The following ZNF208 variants were observed in gnomAD, a reference collection of about 807,000 sequenced individuals.
ZNF208 encodes the protein zinc finger protein 208.
ZNF208 carries 10 observed loss-of-function variants against 12.1 expected under a neutral mutation model. The ratio of observed to expected loss-of-function variants is 0.83; its 90% CI spans 0.51 to 1.40. The LOEUF (loss-of-function observed/expected upper bound fraction) is 1.40. Ranked by LOEUF, ZNF208 falls within the 40% of genes most tolerant of loss-of-function variation. The pLI is 0.00. For synonymous variants in ZNF208, 497 were observed against 488.4 expected, an observed-to-expected ratio of 1.02 and a Z score of -0.23; for missense variants, 1,652 against 1,485.0, an observed-to-expected ratio of 1.11 and a Z score of -1.85.
At chr19:22,007,414 G>C (rs1971063520) in intron 1 of ZNF208, among the ~76,000 whole-genome samples, 1 of 146,900 alleles carries the variant, frequency 6.8e-6, no homozygotes, top group South Asian at 2.1e-4. Flanking sequence ...GGGAGGCTAA[G>C]GCAGGAGAAG....
At chr19:21,979,875 G>T (rs975482062) in intron 3 of ZNF208, among the ~76,000 whole-genome samples, 4 of 152,116 alleles carry the variant, frequency 2.6e-5, no homozygotes, top group South Asian at 2.1e-4. Flanking sequence ...TAAAGTTATG[G>T]AGGAATATTT....
intron 1 of ZNF208, among the ~76,000 whole-genome samples, chr19:21,992,762 T>C (rs1970763758): frequency 6.6e-6 from 1 of 152,056 alleles, no homozygotes; most frequent in East Asian, 1.9e-4. Context: ...ACAGAAAAAA[T>C]ATATATTTTT....
At position 21,967,312 on chromosome 19, in the gene ZNF208, C is replaced by T. The variant is rs1970190068; in HGVS notation, c.*3879G>A. 6.6e-6 allele frequency: 1 copy of T among 152,036 alleles called. No homozygotes were observed. The highest frequency in any genetic ancestry group is 1.9e-4 in the East Asian group (1 of 5,190). The allele number at this position is 152,036 out of a possible 1,614,324, so 9.4% of individuals were successfully genotyped here. On this transcript the variant is annotated 3_prime_UTR_variant, in exon 4 of 4. Transcript: ENST00000397126. ...CTTACTAAATAGGGAGTTAATTCCC[C>T]TTTTGTTTATTTCTGTTGGCTTTGT...
At chr19:21,995,775 C>T (rs1349128459) in intron 1 of ZNF208, among the ~76,000 whole-genome samples, 4 of 152,192 alleles carry the variant, frequency 2.6e-5, no homozygotes, top group Non-Finnish European at 4.4e-5. Flanking sequence ...TGCTTGTTTA[C>T]ACTTACAGAT....
At chr19:21,941,038 C>T (rs12980897) in intron 4 of ZNF208, 33,747 of 245,226 alleles carry the variant, frequency 0.14, 2,788 homozygotes, top group Non-Finnish European at 0.18. Context: ...CTGGAACTGG[C>T]GCCCTCCGGA....
intron 4 of ZNF208, among the ~76,000 whole-genome samples, chr19:21,944,867 G>T (rs1336415204): frequency 3.3e-5 from 5 of 152,194 alleles, no homozygotes; most frequent in Non-Finnish European, 7.3e-5. Context: ...TCTTTGGGAT[G>T]CAGCAAACAT....
chr19:21,948,225 A>G (rs1479931328), intron 4 of ZNF208, among the ~76,000 whole-genome samples: 1 of 152,228 alleles, frequency 6.6e-6, no homozygotes, highest in Admixed American at 6.5e-5. Context: ...CTCTAAAGAA[A>G]AAATGGCTTA....
At chr19:21,978,682 A>G (rs1281863618) in intron 3 of ZNF208, among the ~76,000 whole-genome samples, 1 of 152,180 alleles carries the variant, frequency 6.6e-6, no homozygotes, top group African/African-American at 2.4e-5. Flanking sequence ...AAGGATCACA[A>G]CTCATTGCCA....
At position 21,973,615 on chromosome 19, in the gene ZNF208, T is replaced by A; in HGVS notation, c.1419A>T (p.Val473=). 1 of 1,613,634 alleles carries A rather than the reference T, an allele frequency of 6.2e-7. No homozygotes were observed. The highest frequency in any genetic ancestry group is 1.1e-5 in the South Asian group (1 of 91,060). ...SMFSILTKHK[V]IHNGEKPYKC... The stretch of plus-strand genomic sequence containing the variant: ...TGTAGGGTTTCTCTCCATTATGAAT[T>A]ACCTTATGTTTAGTAAGGATTGAGA... The change falls in exon 4 of 4, where the codon GTA becomes GTT. Residue 473 remains valine (V), a synonymous_variant. Transcript: ENST00000397126.
At position 21,974,232 on chromosome 19, in the gene ZNF208, G is replaced by T. The variant is rs765113757; in HGVS notation, c.802C>A (p.Gln268Lys). ...TTATGTTTAGTAAGGATTGCAGATT[G>T]GTTAAAAGCCTTGCCACATTCTTCA... is the stretch of plus-strand genomic sequence containing the variant. ...KCEECGKAFN[Q>K]SAILTKHKII... is the part of the protein sequence containing the mutation. Residue 268 changes from glutamine to lysine, a missense_variant, in exon 4 of 4, where the codon CAA (glutamine) becomes AAA (lysine). Around this residue, in one of 3 missense-constraint regions of ZNF208, gnomAD observed 410 missense variants for 378.2 expected, o/e 1.08. Transcript: ENST00000397126. The T allele has an allele frequency of 1.9e-6, 3 of 1,604,482 alleles. No individual in the cohort carries two copies. The highest frequency in any genetic ancestry group is 1.7e-4 in the Middle Eastern group (1 of 6,004).
At chr19:21,975,802 CTG>C (rs921713742) in intron 3 of ZNF208, among the ~76,000 whole-genome samples, 4 of 62,334 alleles carry the variant, frequency 6.4e-5, no homozygotes, top group Admixed American at 2.4e-4. Flanking sequence ...CAGAAGAAAA[CTG>C]TGTGATATAG....
Position 21,970,844 on chromosome 19 carries a change from T to C in ZNF208, c.*347A>G, listed in dbSNP as rs953676153. 37 of 1,498,572 alleles carry C rather than the reference T, an allele frequency of 2.5e-5. No individual in the cohort carries two copies. In the Middle Eastern group the frequency reaches 1.2e-3, roughly 49 times the overall value. 92.8% of individuals were successfully genotyped at this position (1,498,572 alleles called of 1,614,324 possible). Reference sequence around the variant, plus strand: ...AGAACCAGCTGAAGGCTTTGCCACTTTCTTCACATTTGTAGGGTTTCTCTC... The same window carrying C: ...AGAACCAGCTGAAGGCTTTGCCACTCTCTTCACATTTGTAGGGTTTCTCTC... On this transcript the variant is annotated 3_prime_UTR_variant, in exon 4 of 4. Transcript: ENST00000397126.
At position 21,974,194 on chromosome 19, in the gene ZNF208, A is replaced by C; in HGVS notation, c.840T>G (p.Thr280=). 1.9e-6 allele frequency: 3 copies of C among 1,603,084 alleles called. No homozygotes were observed. The highest frequency in any genetic ancestry group is 2.6e-6 in the Non-Finnish European group (3 of 1,171,186). The change falls in exon 4 of 4, where the codon ACT becomes ACG. Residue 280 remains threonine, a synonymous_variant. Coordinates refer to ENST00000397126, the MANE Select transcript of ZNF208 (RefSeq NM_007153.3). ...CTTCACATTTGTTGGGTTTCTCTCC[A>C]GTATGAATTATCTTATGTTTAGTAA... ...AILTKHKIIH[T]GEKPNKCEEC... is the part of the protein sequence containing the mutation.
At chr19:21,942,286 A>T (rs565889055) in intron 4 of ZNF208, among the ~76,000 whole-genome samples, 1 of 152,270 alleles carries the variant, frequency 6.6e-6, no homozygotes, top group East Asian at 1.9e-4. Context: ...TAATAGTAGT[A>T]TATATATAAG....
chr19:21,958,183 A>T (rs1970007397), intron 4 of ZNF208, among the ~76,000 whole-genome samples: 1 of 151,864 alleles, frequency 6.6e-6, no homozygotes, highest in Non-Finnish European at 1.5e-5. Flanking sequence ...CTAACAAAAA[A>T]AAAACTAAAA....
intron 4 of ZNF208, among the ~76,000 whole-genome samples, chr19:21,951,362 C>T (rs986440824): frequency 1.3e-5 from 2 of 152,000 alleles, no homozygotes; most frequent in African/African-American, 4.8e-5. Flanking sequence ...AATGTGTATG[C>T]AACGTGTGTA....
At chr19:21,941,677 T>A in intron 4 of ZNF208, 1 of 336,192 alleles carries the variant, frequency 3.0e-6, no homozygotes, top group Non-Finnish European at 5.3e-6. Flanking sequence ...TCAAAGTAAG[T>A]ATATTTTAAA....
intron 1 of ZNF208, among the ~76,000 whole-genome samples, chr19:22,009,155 A>T (rs899207002): frequency 7.2e-5 from 11 of 152,246 alleles, no homozygotes; most frequent in African/African-American, 2.7e-4. Flanking sequence ...GTGCCATCAA[A>T]TGCTTTGTCA....
intron 4 of ZNF208, among the ~76,000 whole-genome samples, chr19:21,954,846 T>C (rs1162878915): frequency 1.3e-5 from 2 of 152,186 alleles, no homozygotes; most frequent in African/African-American, 2.4e-5. Flanking sequence ...TGAAGGTTAA[T>C]ATTGCTTTGT....
Sources: allele counts gnomAD v4.1 joint callset (sites outside exome capture counted in the v4.1 genomes callset), GRCh38; gene constraint gnomAD v4.1.1; regional missense constraint gnomAD v4.1.1; transcripts MANE v1.5; gene names NCBI Gene and HGNC (gene_info 2026-07-23, HGNC 2026-07-21).